SLC8A1: variants seen among roughly 807,000 people sequenced by gnomAD.
SLC8A1 encodes sodium/calcium exchanger 1.
SLC8A1 carries 18 observed loss-of-function variants against 68.3 expected under a neutral mutation model. The observed-to-expected ratio is 0.26, with a 90% CI of 0.18 to 0.39. The LOEUF is 0.39. Among genes scored for constraint, SLC8A1 ranks in the 10% least tolerant of loss-of-function variants. SLC8A1 has a pLI of 1.00. For missense variants in SLC8A1, 985 were observed against 1,156.7 expected, an observed-to-expected ratio of 0.85 and a Z score of 2.15; for synonymous variants, 475 against 415.5, an observed-to-expected ratio of 1.14 and a Z score of -1.74.
chr2:40,461,656 G>C (rs1703346966), intron 1 of SLC8A1, among the ~76,000 whole-genome samples: 1 of 152,104 alleles, frequency 6.6e-6, no homozygotes, highest in Non-Finnish European at 1.5e-5. Flanking sequence ...TATTATTTCA[G>C]AAATATACAA....
intron 2 of SLC8A1, among the ~76,000 whole-genome samples, chr2:40,288,722 A>G (rs1348246121): frequency 6.6e-6 from 1 of 151,988 alleles, no homozygotes; most frequent in Non-Finnish European, 1.5e-5. Context: ...TTGGGGATGG[A>G]TGTTTGGAGC....
At chr2:40,356,340 C>G (rs1672652630) in intron 2 of SLC8A1, among the ~76,000 whole-genome samples, 1 of 152,106 alleles carries the variant, frequency 6.6e-6, no homozygotes, top group Admixed American at 6.6e-5. Flanking sequence ...CTGACTGAAT[C>G]AAGGTATGAA....
intron 1 of SLC8A1, among the ~76,000 whole-genome samples, chr2:40,445,914 C>A (rs1701350728): frequency 6.6e-6 from 1 of 152,160 alleles, no homozygotes; most frequent in African/African-American, 2.4e-5. Flanking sequence ...TCTAACACGG[C>A]CCCCAGAGGA....
rs572217340 is a variant in SLC8A1 at position 40,130,996 on chromosome 2, G to A, written c.2437+8405C>T. On this transcript the variant is annotated intron_variant, in intron 7 of 7. Coordinates refer to ENST00000406785, the Ensembl canonical transcript of SLC8A1. Reference sequence around the variant, plus strand: ...TGTAGCTAAGGTAAATAACCCAGGAGGCCTAACTTGTTTATCAGTGCATTG... The same window carrying A: ...TGTAGCTAAGGTAAATAACCCAGGAAGCCTAACTTGTTTATCAGTGCATTG... Among the ~76,000 whole-genome samples the A allele has an allele frequency of 1.5e-4, 23 of 149,528 alleles. No homozygotes were observed. In the East Asian group the frequency reaches 4.3e-3, roughly 28 times the overall value.
At chr2:40,261,205 T>G (rs1263445019) in intron 2 of SLC8A1, among the ~76,000 whole-genome samples, 1 of 152,104 alleles carries the variant, frequency 6.6e-6, no homozygotes, top group African/African-American at 2.4e-5. Flanking sequence ...TGTGTGGAGA[T>G]CAATTACCCA....
intron 1 of SLC8A1, among the ~76,000 whole-genome samples, chr2:40,497,474 G>A (rs1389308631): frequency 6.6e-6 from 1 of 152,002 alleles, no homozygotes; most frequent in Non-Finnish European, 1.5e-5. Context: ...GGGGGCAGTG[G>A]GAGCAGAAAG....
intron 3 of SLC8A1, among the ~76,000 whole-genome samples, 181 bp downstream of exon 4, chr2:40,175,080 G>C (rs1399426518): frequency 6.6e-6 from 1 of 152,056 alleles, no homozygotes; most frequent in African/African-American, 2.4e-5. Flanking sequence ...TCAAAAGGTT[G>C]TACTAAATTA....
chr2:40,104,527 T>A (rs1430906643), exon 8 of SLC8A1: 2 of 152,170 alleles, frequency 1.3e-5, no homozygotes, highest in Non-Finnish European at 2.9e-5. Flanking sequence ...AGTTTCTTGA[T>A]AGGTTTCAAA....
At chr2:40,362,824 T>G (rs137906593) in intron 2 of SLC8A1, among the ~76,000 whole-genome samples, 1 of 152,194 alleles carries the variant, frequency 6.6e-6, no homozygotes, top group African/African-American at 2.4e-5. Flanking sequence ...AGTTAAATTC[T>G]GTGTTCTCAT....
chr2:40,197,104 C>G (rs1033604748), intron 2 of SLC8A1, among the ~76,000 whole-genome samples: 6 of 152,052 alleles, frequency 3.9e-5, no homozygotes, highest in African/African-American at 1.4e-4. Flanking sequence ...AAGCCTGTTA[C>G]TTGTTACTGT....
intron 2 of SLC8A1, among the ~76,000 whole-genome samples, chr2:40,373,100 T>C (rs1026721218): frequency 1.3e-5 from 2 of 152,110 alleles, no homozygotes; most frequent in Non-Finnish European, 2.9e-5. Flanking sequence ...GTTAAAAATG[T>C]TTATAATCAT....
chr2:40,363,688 C>T (rs377230122), intron 2 of SLC8A1, among the ~76,000 whole-genome samples: 3 of 152,124 alleles, frequency 2.0e-5, no homozygotes, highest in South Asian at 4.2e-4. Flanking sequence ...AAAAGACTTC[C>T]TTTAAATTTG....
At chr2:40,104,464 G>A (rs2034077360) in exon 8 of SLC8A1, 1 of 152,170 alleles carries the variant, frequency 6.6e-6, no homozygotes, top group Non-Finnish European at 1.5e-5. Flanking sequence ...CTTATTAGTG[G>A]AAGACAGAAT....
intron 2 of SLC8A1, among the ~76,000 whole-genome samples, chr2:40,247,913 A>AAAAAT (rs1336720147): frequency 6.6e-6 from 1 of 152,212 alleles, no homozygotes; most frequent in East Asian, 1.9e-4. Context: ...ACTTGGAGGC[A>AAAAAT]AAAATAAACT....
intron 2 of SLC8A1, among the ~76,000 whole-genome samples, chr2:40,207,236 C>T (rs2055622661): frequency 6.6e-6 from 1 of 151,864 alleles, no homozygotes; most frequent in Admixed American, 6.6e-5. Flanking sequence ...TACTTTATTT[C>T]CTAGGGCCTT....
chr2:40,292,194 T>G (rs1000976110), intron 2 of SLC8A1, among the ~76,000 whole-genome samples: 1 of 152,182 alleles, frequency 6.6e-6, no homozygotes, highest in Non-Finnish European at 1.5e-5. Context: ...ATGACATATG[T>G]GCTCTCATTA....
intron 2 of SLC8A1, among the ~76,000 whole-genome samples, chr2:40,420,851 G>A (rs555917922): frequency 6.6e-6 from 1 of 152,062 alleles, no homozygotes; most frequent in Admixed American, 6.6e-5. Context: ...AAGACTCTAT[G>A]GGAATTACAG....
At chr2:40,309,909 C>T (rs1209774062) in intron 2 of SLC8A1, among the ~76,000 whole-genome samples, 1 of 152,124 alleles carries the variant, frequency 6.6e-6, no homozygotes, top group Non-Finnish European at 1.5e-5. Context: ...GCAACCATCA[C>T]CATTCTCTAA....
At chr2:40,196,743 C>T (rs1215944064) in intron 2 of SLC8A1, among the ~76,000 whole-genome samples, 1 of 151,974 alleles carries the variant, frequency 6.6e-6, no homozygotes, top group African/African-American at 2.4e-5. Context: ...TGTCTCACTC[C>T]CCACATTTAA....
Sources: gnomAD v4.1 joint callset for allele counts (sites outside exome capture counted in the v4.1 genomes callset) on GRCh38, gnomAD v4.1.1 for gene constraint, MANE v1.5 for transcripts, NCBI Gene and HGNC (gene_info 2026-07-23, HGNC 2026-07-21) for gene names.